The following CTNNA3 variants were observed in gnomAD, a reference collection of about 807,000 sequenced individuals.
CTNNA3 encodes the protein catenin alpha-3.
A neutral mutation model predicts 95.7 loss-of-function variants in CTNNA3; 76 were observed. The ratio of observed to expected loss-of-function variants is 0.79; its 90% CI spans 0.66 to 0.96. The LOEUF (loss-of-function observed/expected upper bound fraction) is 0.96, where lower values mean the gene tolerates loss of function less well. Among genes scored for constraint, CTNNA3 ranks in the 40% least tolerant of loss-of-function variants. The pLI is 0.00. For missense variants in CTNNA3, 1,191 were observed against 1,089.8 expected (o/e 1.09, Z -1.31); for synonymous variants, 431 against 374.4 (o/e 1.15, Z -1.74).
chr10:65,988,148 G>C (rs1185771479), intron 16 of CTNNA3, among the ~76,000 whole-genome samples: 1 of 152,004 alleles, frequency 6.6e-6, no homozygotes, highest in African/African-American at 2.4e-5. Flanking sequence ...ATAATTTATT[G>C]TGTATTTAAA....
intron 7 of CTNNA3, among the ~76,000 whole-genome samples, chr10:67,147,413 G>C (rs1399020966): frequency 6.6e-6 from 1 of 152,122 alleles, no homozygotes; most frequent in Non-Finnish European, 1.5e-5. Flanking sequence ...ACAGTAACTG[G>C]TACTGAGTAA....
At chr10:67,302,927 A>G (rs1840384068) in intron 5 of CTNNA3, among the ~76,000 whole-genome samples, 1 of 152,226 alleles carries the variant, frequency 6.6e-6, no homozygotes, top group African/African-American at 2.4e-5. Flanking sequence ...AGGGACAAGG[A>G]AAACATAGGC....
At chr10:67,189,477 C>A (rs1863020020) in intron 6 of CTNNA3, among the ~76,000 whole-genome samples, 1 of 151,804 alleles carries the variant, frequency 6.6e-6, no homozygotes, top group Admixed American at 6.6e-5. Flanking sequence ...ATTAAGTGTT[C>A]TTACCACAAA....
chr10:67,309,649 T>C (rs2132521604), intron 5 of CTNNA3, among the ~76,000 whole-genome samples: 1 of 152,328 alleles, frequency 6.6e-6, no homozygotes, highest in African/African-American at 2.4e-5. Flanking sequence ...TTGACTGATC[T>C]GTTGCAGAAC....
At chr10:66,923,731 C>T (rs1482011436) in intron 7 of CTNNA3, among the ~76,000 whole-genome samples, 1 of 152,170 alleles carries the variant, frequency 6.6e-6, no homozygotes, top group Non-Finnish European at 1.5e-5. Context: ...GTATATACCT[C>T]CTTTAAGAAT....
chr10:66,186,038 G>A (rs1327423435), intron 13 of CTNNA3, among the ~76,000 whole-genome samples: 1 of 151,844 alleles, frequency 6.6e-6, no homozygotes, highest in Non-Finnish European at 1.5e-5. Flanking sequence ...ATAGTTAGGA[G>A]GAATAAGTTC....
chr10:66,218,930 G>T (rs1439597535), intron 13 of CTNNA3, among the ~76,000 whole-genome samples: 1 of 152,120 alleles, frequency 6.6e-6, no homozygotes, highest in Non-Finnish European at 1.5e-5. Flanking sequence ...TTTCCTGACT[G>T]AATTTAAAAC....
intron 5 of CTNNA3, among the ~76,000 whole-genome samples, chr10:67,372,202 C>G: frequency 6.6e-6 from 1 of 151,922 alleles, no homozygotes. Flanking sequence ...ATGGTATTTT[C>G]TTTTGCTGTG....
intron 7 of CTNNA3, chr10:67,099,830 A>G (rs1331512750): frequency 6.6e-6 from 1 of 151,628 alleles, no homozygotes; most frequent in Non-Finnish European, 1.5e-5. Flanking sequence ...CCATTTTCTA[A>G]TTTCCTTGCA....
At chr10:67,450,366 A>G (rs1450932565) in intron 5 of CTNNA3, among the ~76,000 whole-genome samples, 4 of 152,158 alleles carry the variant, frequency 2.6e-5, no homozygotes, top group African/African-American at 9.6e-5. Flanking sequence ...CTGCAGCACA[A>G]TTCACAAACA....
Position 67,079,858 on chromosome 10 carries a change from AACACACACACACACACACACAC to A in CTNNA3, c.1047+100437_1047+100458del, listed in dbSNP as rs199928311. ...GCGAGACTCCATCTCAAAAAAACAA[AACACACACACACACACACACAC>A]ACACACACACACACACACACACACA... On this transcript the variant is annotated intron_variant, in intron 7 of 17. Transcript: ENST00000433211. 1.1e-3 allele frequency among the ~76,000 whole-genome samples: 151 copies of A among 141,362 alleles called. 1 individual carries two copies. Among genetic ancestry groups the A allele is most frequent in the African/African-American group, 2.6e-3 (99 of 37,750 alleles). 92.7% of individuals were successfully genotyped at this position (141,362 alleles called of 152,430 possible).
rs537438361 is a variant in CTNNA3, at chr10:66,248,518, T to C, written c.1884+31952A>G. On this transcript the variant is annotated intron_variant, in intron 13 of 17. Coordinates refer to ENST00000433211, the MANE Select transcript of CTNNA3 (RefSeq NM_013266.4). ...AAAAAACATACTTCCCCTATAAAGA[T>C]AAACACAGACAGAAATAAGAAATAA... Among the ~76,000 whole-genome samples, 176 of 151,592 alleles carry C rather than the reference T, an allele frequency of 1.2e-3. 1 individual carries two copies. The highest frequency in any genetic ancestry group is 0.01 in the Middle Eastern group (3 of 292).
intron 11 of CTNNA3, among the ~76,000 whole-genome samples, chr10:66,516,844 T>G (rs1840877093): frequency 6.6e-6 from 1 of 152,158 alleles, no homozygotes; most frequent in Admixed American, 6.5e-5. Flanking sequence ...TTTTAAATTG[T>G]GTTGTGTAAT....
At chr10:66,769,077 T>C (rs997851956) in intron 8 of CTNNA3, among the ~76,000 whole-genome samples, 2 of 152,324 alleles carry the variant, frequency 1.3e-5, no homozygotes, top group African/African-American at 4.8e-5. Context: ...CTGTTTTTCA[T>C]ATAAAGACTT....
intron 3 of CTNNA3, among the ~76,000 whole-genome samples, chr10:67,585,139 G>A (rs566901247): frequency 2.1e-4 from 32 of 152,288 alleles, no homozygotes; most frequent in African/African-American, 4.8e-4. Flanking sequence ...CATCTTCTGC[G>A]TCACTCATGC....
intron 7 of CTNNA3, among the ~76,000 whole-genome samples, chr10:66,930,316 A>C (rs1158995600): frequency 1.3e-5 from 2 of 152,222 alleles, no homozygotes; most frequent in Non-Finnish European, 2.9e-5. Context: ...CATGACAAAA[A>C]GTCACATATT....
chr10:66,818,055 T>C (rs1310632637), intron 7 of CTNNA3, among the ~76,000 whole-genome samples: 3 of 149,302 alleles, frequency 2.0e-5, no homozygotes, highest in Non-Finnish European at 3.0e-5. Context: ...ATCATCATAA[T>C]AGGCACAGAA....
At chr10:67,370,090 T>C (rs1843364142) in intron 5 of CTNNA3, among the ~76,000 whole-genome samples, 1 of 152,200 alleles carries the variant, frequency 6.6e-6, no homozygotes, top group Non-Finnish European at 1.5e-5. Flanking sequence ...CATTATTCTG[T>C]GTAATGGCAA....
At chr10:66,323,951 T>C (rs1481297673) in intron 12 of CTNNA3, among the ~76,000 whole-genome samples, 1 of 151,990 alleles carries the variant, frequency 6.6e-6, no homozygotes, top group African/African-American at 2.4e-5. Context: ...GTTTAGTGGC[T>C]GAATGGTCCA....
Sources: allele counts gnomAD v4.1 joint callset (sites outside exome capture counted in the v4.1 genomes callset), GRCh38; gene constraint gnomAD v4.1.1; transcripts MANE v1.5; gene names NCBI Gene and HGNC (gene_info 2026-07-23, HGNC 2026-07-21).